C1QL3: variants seen among roughly 807,000 people sequenced by gnomAD.
C1QL3 encodes the protein complement C1q-like protein 3.
C1QL3 carries 4 observed loss-of-function variants against 16.6 expected under a neutral mutation model. The observed-to-expected ratio is 0.24, with a 90% CI of 0.12 to 0.55. The LOEUF is 0.55. Ranked by LOEUF, C1QL3 falls within the 20% of genes least tolerant of loss-of-function variation. The pLI is 0.94. For synonymous variants in C1QL3, 189 were observed against 160.2 expected, an observed-to-expected ratio of 1.18 and a Z score of -1.36; for missense variants, 269 against 365.6, an observed-to-expected ratio of 0.74 and a Z score of 2.16.
Position 16,521,012 on chromosome 10 carries a change from C to T in C1QL3, c.54G>A (p.Thr18=), listed in dbSNP as rs747120177. Residue 18 remains threonine (T), a synonymous_variant, in exon 1 of 2, where the codon ACG becomes ACA. Coordinates refer to ENST00000298943, the MANE Select transcript of C1QL3 (RefSeq NM_001010908.2). ...LIPVLVSSAG[T]SAHYEMLGTC... ...TGCCCAGCATCTCGTAGTGCGCCGA[C>T]GTGCCGGCCGAGCTCACCAGCACCG... 6.3e-7 allele frequency: 1 copy of T among 1,599,400 alleles called. No homozygotes were observed. The highest frequency in any genetic ancestry group is 1.1e-5 in the South Asian group (1 of 90,318).
At position 16,515,224 on chromosome 10, in the gene C1QL3, GAAAAA is replaced by G. The variant is rs71952606; in HGVS notation, c.589-522_589-518del. 2.2e-5 allele frequency among the ~76,000 whole-genome samples: 3 copies of G among 134,888 alleles called. No homozygotes were observed. The South Asian group carries it at 7.0e-4, about 31-fold the overall frequency. 88.5% of individuals were successfully genotyped at this position (134,888 alleles called of 152,430 possible). ...TACCAACTCCTCTACTACTTACAAAGAAAAAAAAAAAAAAGAAAAAGTCTTTTGAT... is the reference window on the plus strand; with the variant it reads ...TACCAACTCCTCTACTACTTACAAAGAAAAAAAAAGAAAAAGTCTTTTGAT... On this transcript the variant is annotated intron_variant, in intron 1 of 1. Coordinates refer to ENST00000298943, the MANE Select transcript of C1QL3 (RefSeq NM_001010908.2).
chr10:16,520,038 C>G lies in C1QL3; in HGVS notation c.588+440G>C, dbSNP rs962196706. Reference sequence around the variant, plus strand: ...TCCCTCCGGCCTTTGTCTACCACCCCCGAGTCGGTCACCCTGCCACGCCCA... The same window carrying G: ...TCCCTCCGGCCTTTGTCTACCACCCGCGAGTCGGTCACCCTGCCACGCCCA... On this transcript the variant is annotated intron_variant, in intron 1 of 1. Transcript: ENST00000298943. The surrounding 1 kb of genome is among the most constrained non-coding windows in gnomAD (Gnocchi z 8.3). Among the ~76,000 whole-genome samples the G allele has an allele frequency of 5.3e-5, 8 of 152,120 alleles. No individual in the cohort carries two copies. Among genetic ancestry groups the G allele is most frequent in the African/African-American group, 1.9e-4 (8 of 41,434 alleles).
At chr10:16,516,421 T>C (rs1316014394) in intron 1 of C1QL3, among the ~76,000 whole-genome samples, 2 of 152,198 alleles carry the variant, frequency 1.3e-5, no homozygotes, top group African/African-American at 4.8e-5. Context: ...ATTGCTATTA[T>C]GACTTGTGTT....
chr10:16,516,753 A>G (rs1355487037), intron 1 of C1QL3, among the ~76,000 whole-genome samples: 1 of 152,204 alleles, frequency 6.6e-6, no homozygotes, highest in African/African-American at 2.4e-5. Flanking sequence ...CACCATTTTT[A>G]TTCAGTAGGC....
At chr10:16,519,164 T>C (rs202125640) in intron 1 of C1QL3, among the ~76,000 whole-genome samples, 3 of 148,340 alleles carry the variant, frequency 2.0e-5, no homozygotes, top group Non-Finnish European at 4.5e-5. Flanking sequence ...TTTTTGGTCT[T>C]TCACTTTTGA....
chr10:16,515,255 TTAGGGCTTTCCAA>T (rs1836932844), intron 1 of C1QL3, among the ~76,000 whole-genome samples: 2 of 152,042 alleles, frequency 1.3e-5, no homozygotes, highest in African/African-American at 2.4e-5. Context: ...GTCTTTTGAT[TTAGGGCTTTCCAA>T]ATCTAATTCA....
chr10:16,517,945 G>A (rs1398148682), intron 1 of C1QL3, among the ~76,000 whole-genome samples: 3 of 152,134 alleles, frequency 2.0e-5, no homozygotes, highest in Non-Finnish European at 4.4e-5. Flanking sequence ...TAAATAAAAT[G>A]GCTCTCATAT....
Position 16,513,980 on chromosome 10 carries a change from AG to A in C1QL3, c.*547del. ...CAGAAAATTCCAGGTTAAGGCTTGA[AG>A]TTGAATCATTCCCAGGTCTAGCTCT... On this transcript the variant is annotated 3_prime_UTR_variant, in exon 2 of 2. Transcript: ENST00000298943. 1 of 230,758 alleles carries A rather than the reference AG, an allele frequency of 4.3e-6. No individual in the cohort carries two copies. Among genetic ancestry groups the A allele is most frequent in the East Asian group, 8.6e-5 (1 of 11,686 alleles). The allele number at this position is 230,758 out of a possible 1,614,324, so 14.3% of individuals were successfully genotyped here. A position where few individuals can be genotyped will look rare whatever the true frequency, so the allele number is the denominator to read the frequency against.
At chr10:16,519,140 CTT>C (rs567187339) in intron 1 of C1QL3, among the ~76,000 whole-genome samples, 7 of 39,460 alleles carry the variant, frequency 1.8e-4, no homozygotes, top group Non-Finnish European at 2.6e-4. Flanking sequence ...GCATTTAGGA[CTT>C]TTTTTTTTTT....
chr10:16,513,986 A>G lies in C1QL3; in HGVS notation c.*542T>C, dbSNP rs1044412721. 4 of 238,728 alleles carry G rather than the reference A, an allele frequency of 1.7e-5. No homozygotes were observed. The highest frequency in any genetic ancestry group is 8.9e-5 in the African/African-American group (4 of 44,892). The allele number at this position is 238,728 out of a possible 1,614,324, so 14.8% of individuals were successfully genotyped here. A position where few individuals can be genotyped will look rare whatever the true frequency, so the allele number is the denominator to read the frequency against. ...ATTCCAGGTTAAGGCTTGAAGTTGAATCATTCCCAGGTCTAGCTCTAAGGT... is the reference window on the plus strand; with the variant it reads ...ATTCCAGGTTAAGGCTTGAAGTTGAGTCATTCCCAGGTCTAGCTCTAAGGT... On this transcript the variant is annotated 3_prime_UTR_variant, in exon 2 of 2. Transcript: ENST00000298943.
In C1QL3 at chr10:16,521,143, G is replaced by C; in HGVS notation, c.-78C>G. 1 of 1,336,412 alleles carries C rather than the reference G, an allele frequency of 7.5e-7. No individual in the cohort carries two copies. The highest frequency in any genetic ancestry group is 1.0e-6 in the Non-Finnish European group (1 of 972,098). 82.8% of individuals were successfully genotyped at this position (1,336,412 alleles called of 1,614,324 possible). ...CGGCTCAGCGCGGGGCGATCCTCTTGTCTGCTTTTGGACAGAATTTTGAAG... is the reference window on the plus strand; with the variant it reads ...CGGCTCAGCGCGGGGCGATCCTCTTCTCTGCTTTTGGACAGAATTTTGAAG... On this transcript the variant is annotated 5_prime_UTR_variant, in exon 1 of 2. Transcript: ENST00000298943.
At position 16,521,037 on chromosome 10, in the gene C1QL3, G is replaced by T. The variant is rs1318724967; in HGVS notation, c.29C>A (p.Pro10Gln). 2 of 1,600,718 alleles carry T rather than the reference G, an allele frequency of 1.2e-6. No homozygotes were observed. Among genetic ancestry groups the T allele is most frequent in the African/African-American group, 2.7e-5 (2 of 74,640 alleles). MVLLLVILI[P>Q]VLVSSAGTSA... ...CGTGCCGGCCGAGCTCACCAGCACCGGGATGAGGATCACCAGCAGCAGCAC... is the reference window on the plus strand; with the variant it reads ...CGTGCCGGCCGAGCTCACCAGCACCTGGATGAGGATCACCAGCAGCAGCAC... Residue 10 changes from proline to glutamine, a missense_variant, in exon 1 of 2, where the codon CCG (proline) becomes CAG (glutamine). Coordinates refer to ENST00000298943, the MANE Select transcript of C1QL3 (RefSeq NM_001010908.2).
intron 1 of C1QL3, among the ~76,000 whole-genome samples, chr10:16,515,031 A>G (rs1234401854): frequency 1.3e-5 from 2 of 152,138 alleles, no homozygotes; most frequent in African/African-American, 4.8e-5. Flanking sequence ...CCCTATGCCC[A>G]ATCACATTTT....
rs906511412 is a variant in C1QL3 at position 16,520,221 on chromosome 10, C to A, written c.588+257G>T. On this transcript the variant is annotated intron_variant, in intron 1 of 1. Coordinates refer to ENST00000298943, the MANE Select transcript of C1QL3 (RefSeq NM_001010908.2). The surrounding 1 kb of genome is among the most constrained non-coding windows in gnomAD (Gnocchi z 8.3). ...TCCCGGCTTCCCGCCCCTCGAGGGTCGCGCTCGCAGGGGCGCGCACCGATC... is the reference window on the plus strand; with the variant it reads ...TCCCGGCTTCCCGCCCCTCGAGGGTAGCGCTCGCAGGGGCGCGCACCGATC... 6.6e-6 allele frequency among the ~76,000 whole-genome samples: 1 copy of A among 152,076 alleles called. No homozygotes were observed. Among genetic ancestry groups the A allele is most frequent in the Admixed American group, 6.5e-5 (1 of 15,284 alleles).
intron 1 of C1QL3, among the ~76,000 whole-genome samples, chr10:16,516,905 G>A (rs79787428): frequency 0.016 from 2,429 of 152,192 alleles, 62 homozygotes; most frequent in African/African-American, 0.055. Flanking sequence ...AACCTATACT[G>A]TACCGTAAGA....
rs752829499 is a variant in C1QL3 at position 16,514,734 on chromosome 10, T to A, written c.589-27A>T. The A allele has an allele frequency of 5.8e-6, 9 of 1,560,420 alleles. No individual in the cohort carries two copies. The South Asian group carries it at 9.3e-5, about 16-fold the overall frequency. On this transcript the variant is annotated intron_variant, in intron 1 of 1. Transcript: ENST00000298943. Reference sequence around the variant, plus strand: ...TATGTGAAACAGACAAGAATTAGGATGCGTAAATGAGAATTCTCAAGTTTT... The same window carrying A: ...TATGTGAAACAGACAAGAATTAGGAAGCGTAAATGAGAATTCTCAAGTTTT...
chr10:16,518,040 C>T (rs1359430308), intron 1 of C1QL3, among the ~76,000 whole-genome samples: 1 of 152,082 alleles, frequency 6.6e-6, no homozygotes, highest in Non-Finnish European at 1.5e-5. Context: ...CCACTTAATC[C>T]ATAGAACATT....
intron 1 of C1QL3, among the ~76,000 whole-genome samples, chr10:16,519,419 C>T (rs892253313): frequency 2.0e-5 from 3 of 151,992 alleles, no homozygotes; most frequent in Admixed American, 2.0e-4. Flanking sequence ...ACACCGCAGG[C>T]TGCAGGCTGC....
intron 1 of C1QL3, among the ~76,000 whole-genome samples, chr10:16,517,587 GTTGAACTT>G (rs1453441950): frequency 1.5e-4 from 23 of 152,090 alleles, no homozygotes; most frequent in African/African-American, 5.6e-4. Flanking sequence ...AGCTATTTGA[GTTGAACTT>G]TTACCTTTAA....
Sources: gnomAD v4.1 joint callset for allele counts (sites outside exome capture counted in the v4.1 genomes callset) on GRCh38, gnomAD v4.1.1 for gene constraint, Gnocchi (gnomAD v3.1) non-coding constraint, MANE v1.5 for transcripts, NCBI Gene and HGNC (gene_info 2026-07-23, HGNC 2026-07-21) for gene names.